MKLN1: variants seen among roughly 807,000 people sequenced by gnomAD.
MKLN1 encodes the protein muskelin.
A neutral mutation model predicts 99.0 loss-of-function variants in MKLN1; 18 were observed. The ratio of observed to expected loss-of-function variants is 0.18; its 90% CI spans 0.13 to 0.27. MKLN1 has a LOEUF of 0.27. MKLN1 is among the 10% of genes least tolerant of loss of function. The pLI, the probability that MKLN1 is intolerant of heterozygous loss-of-function variation, is 1.00. For missense variants in MKLN1, 621 were observed against 875.9 expected, an observed-to-expected ratio of 0.71 and a Z score of 3.67; for synonymous variants, 288 against 293.2, an observed-to-expected ratio of 0.98 and a Z score of 0.18.
chr7:131,402,028 C>T (rs1703989623), intron 6 of MKLN1, among the ~76,000 whole-genome samples: 1 of 152,146 alleles, frequency 6.6e-6, no homozygotes. Context: ...TTTGCTGCAT[C>T]AATGAGTTCT....
chr7:131,352,338 T>A (rs1367635397), intron 1 of MKLN1, among the ~76,000 whole-genome samples: 1 of 152,184 alleles, frequency 6.6e-6, no homozygotes, highest in Non-Finnish European at 1.5e-5. Context: ...AAGAATGATG[T>A]TCAGAGTGCA....
chr7:131,446,965 A>C (rs1181980901), intron 12 of MKLN1, among the ~76,000 whole-genome samples: 1 of 152,238 alleles, frequency 6.6e-6, no homozygotes, highest in Non-Finnish European at 1.5e-5. Context: ...CATTTGGAAG[A>C]AAAATCTGTT....
At chr7:131,111,075 T>C (rs1439795) in intron 1 of MKLN1, among the ~76,000 whole-genome samples, 111,303 of 152,010 alleles carry the variant, frequency 0.73, 41,909 homozygotes, top group Non-Finnish European at 0.85. Flanking sequence ...TTTTTAATTA[T>C]GATTATTCCC....
At chr7:131,446,070 A>G (rs748920224) in intron 12 of MKLN1, among the ~76,000 whole-genome samples, 167 bp downstream of exon 12, 4 of 152,078 alleles carry the variant, frequency 2.6e-5, no homozygotes, top group East Asian at 1.9e-4. Context: ...AGTTCTATCT[A>G]TTTTTAAATA....
chr7:131,289,769 G>A (rs1357848222), intron 3 of MKLN1, among the ~76,000 whole-genome samples: 1 of 152,090 alleles, frequency 6.6e-6, no homozygotes, highest in Non-Finnish European at 1.5e-5. Context: ...TCTTTCATGT[G>A]CTTCAAATAA....
At chr7:131,165,508 A>T (rs1178258993) in intron 2 of MKLN1, among the ~76,000 whole-genome samples, 1 of 152,180 alleles carries the variant, frequency 6.6e-6, no homozygotes, top group African/African-American at 2.4e-5. Context: ...TTTTACACAG[A>T]AGGTGTAGGG....
chr7:131,371,455 A>G (rs916579180), intron 1 of MKLN1, among the ~76,000 whole-genome samples: 2 of 152,166 alleles, frequency 1.3e-5, no homozygotes, highest in Non-Finnish European at 2.9e-5. Flanking sequence ...TTGCGGATTT[A>G]AATAGCATTG....
intron 3 of MKLN1, among the ~76,000 whole-genome samples, chr7:131,240,453 G>A (rs1797386105): frequency 6.6e-6 from 1 of 151,700 alleles, no homozygotes; most frequent in Admixed American, 6.6e-5. Context: ...TAACTATCAT[G>A]CAAACGTTTA....
chr7:131,119,137 C>A (rs983714860), intron 1 of MKLN1, among the ~76,000 whole-genome samples: 1 of 152,220 alleles, frequency 6.6e-6, no homozygotes, highest in African/African-American at 2.4e-5. Context: ...TTCCAAGATA[C>A]GATGGGGGTA....
At chr7:131,239,245 A>G (rs1200795448) in intron 3 of MKLN1, among the ~76,000 whole-genome samples, 2 of 152,148 alleles carry the variant, frequency 1.3e-5, no homozygotes, top group Middle Eastern at 3.2e-3. Context: ...ATGTTTTAAT[A>G]TATGCATACA....
chr7:131,165,078 CA>C (rs1796104331), intron 2 of MKLN1, among the ~76,000 whole-genome samples: 1 of 151,922 alleles, frequency 6.6e-6, no homozygotes, highest in Non-Finnish European at 1.5e-5. Context: ...TCATTCCAGC[CA>C]GGGAGAGTGG....
intron 12 of MKLN1, among the ~76,000 whole-genome samples, chr7:131,457,648 G>A (rs1175823736): frequency 6.6e-6 from 1 of 152,204 alleles, no homozygotes; most frequent in Non-Finnish European, 1.5e-5. Flanking sequence ...GGGCACGGGG[G>A]CTCACACCTG....
At chr7:131,224,802 A>G (rs1027289170) in intron 3 of MKLN1, among the ~76,000 whole-genome samples, 2 of 151,492 alleles carry the variant, frequency 1.3e-5, no homozygotes, top group Admixed American at 6.6e-5. Context: ...GGCTGGGCGC[A>G]GTGGCTCATG....
intron 2 of MKLN1, among the ~76,000 whole-genome samples, chr7:131,179,117 T>C (rs1003850687): frequency 1.3e-5 from 2 of 152,240 alleles, no homozygotes; most frequent in African/African-American, 4.8e-5. Flanking sequence ...ATCTCAGAGA[T>C]TCATTGTGAA....
At chr7:131,211,350 A>G (rs1796903609) in intron 3 of MKLN1, among the ~76,000 whole-genome samples, 1 of 152,160 alleles carries the variant, frequency 6.6e-6, no homozygotes, top group Admixed American at 6.6e-5. Context: ...AAACAAATAT[A>G]TGTATATATT....
At chr7:131,466,913 ACACACACACACGCGCGCGCGCG>A (rs1796676648) in intron 15 of MKLN1, among the ~76,000 whole-genome samples, 2 of 150,280 alleles carry the variant, frequency 1.3e-5, no homozygotes, top group South Asian at 2.1e-4. Flanking sequence ...ATACACACAC[ACACACACACACGCGCGCGCGCG>A]CACACACGCA....
At chr7:131,186,791 A>G (rs1796458022) in intron 2 of MKLN1, among the ~76,000 whole-genome samples, 1 of 152,210 alleles carries the variant, frequency 6.6e-6, no homozygotes, top group African/African-American at 2.4e-5. Flanking sequence ...CCATATAAGC[A>G]TTAGCTATCT....
rs771865879 is a variant in MKLN1 at position 131,414,663 on chromosome 7, G to A, written c.800G>A (p.Arg267His). 2.1e-5 allele frequency: 33 copies of A among 1,608,706 alleles called. No homozygotes were observed. Among genetic ancestry groups the A allele is most frequent in the Non-Finnish European group, 2.5e-5 (29 of 1,177,036 alleles). ...KSTKGDGEDN[R>H]PGMRGGHQMV... Reference sequence around the variant, plus strand: ...TCTAAAGGTGATGGGGAAGATAACCGTCCAGGAATGAGAGGAGGCCATCAG... The same window carrying A: ...TCTAAAGGTGATGGGGAAGATAACCATCCAGGAATGAGAGGAGGCCATCAG... The change falls in exon 8 of 18, where the codon CGT becomes CAT. Residue 267 changes from arginine to histidine, a missense_variant. Physicochemically the swap from Arg to His is conservative, Grantham distance 29. Around this residue, in one of 8 missense-constraint regions of MKLN1, gnomAD observed 361 missense variants for 540.8 expected, o/e 0.67. Transcript: ENST00000352689.
In MKLN1 at chr7:131,463,275, C is replaced by T. The variant is rs760036736; in HGVS notation, c.1584C>T (p.His528=). Residue 528 remains histidine, a synonymous_variant, in exon 13 of 18, where the codon CAC becomes CAT. Coordinates refer to ENST00000352689, the MANE Select transcript of MKLN1 (RefSeq NM_013255.5). ...TTGATCCAGAACTGAATGAAATACA[C>T]GTCTTATCTGGACTCAGCAAAGATA... is the stretch of plus-strand genomic sequence containing the variant. The part of the protein sequence containing the change: ...ATIDPELNEI[H]VLSGLSKDKE... 1.6e-5 allele frequency: 26 copies of T among 1,610,242 alleles called. No homozygotes were observed. Among genetic ancestry groups the T allele is most frequent in the South Asian group, 1.4e-4 (13 of 90,614 alleles).
Sources: allele counts gnomAD v4.1 joint callset (sites outside exome capture counted in the v4.1 genomes callset), GRCh38; gene constraint gnomAD v4.1.1; regional missense constraint gnomAD v4.1.1; transcripts MANE v1.5; gene names NCBI Gene and HGNC (gene_info 2026-07-23, HGNC 2026-07-21).